CNIH3: variants seen among roughly 807,000 people sequenced by gnomAD.
CNIH3 encodes the protein cornichon family AMPA receptor auxiliary protein 3, also known as protein cornichon homolog 3.
In CNIH3, 14 loss-of-function variants were observed where a neutral mutation model predicts 24.1. The ratio of observed to expected loss-of-function variants is 0.58; its 90% CI spans 0.38 to 0.91. The LOEUF (loss-of-function observed/expected upper bound fraction) is 0.91. CNIH3 is among the 40% of genes least tolerant of loss of function. The pLI, the probability that CNIH3 is intolerant of heterozygous loss-of-function variation, is 0.00. For synonymous variants in CNIH3, 68 were observed against 73.8 expected (o/e 0.92, Z 0.40); for missense variants, 178 against 196.8 (o/e 0.90, Z 0.57).
chr1:224,434,880 G>A, intron 1 of CNIH3: 2 of 985,466 alleles, frequency 2.0e-6, no homozygotes, highest in South Asian at 9.4e-5. Context: ...ACCTATAGGG[G>A]GCCTGTCACC....
chr1:224,434,805 A>T (rs904350799), exon 1 of CNIH3: 6 of 986,068 alleles, frequency 6.1e-6, no homozygotes, highest in Non-Finnish European at 7.2e-6. Context: ...AATGGAGTCC[A>T]GGCGCTCGCG....
intron 2 of CNIH3, among the ~76,000 whole-genome samples, chr1:224,524,204 A>T (rs1314063551): frequency 6.6e-6 from 1 of 152,182 alleles, no homozygotes; most frequent in East Asian, 1.9e-4. Context: ...ATGGAGGACG[A>T]CTGGCAAAGG....
chr1:224,517,125 C>T (rs950436693), intron 1 of CNIH3, among the ~76,000 whole-genome samples: 2 of 151,948 alleles, frequency 1.3e-5, no homozygotes, highest in Non-Finnish European at 2.9e-5. Flanking sequence ...GTGTGTTTAT[C>T]TCAGTTTCTT....
intron 3 of CNIH3, among the ~76,000 whole-genome samples, chr1:224,561,433 G>A (rs879107004): frequency 3.5e-4 from 54 of 152,122 alleles, no homozygotes; most frequent in Non-Finnish European, 5.9e-4. Flanking sequence ...TTGTCTATCC[G>A]TTTCACTTAG....
At chr1:224,456,210 C>T (rs906154612) in intron 1 of CNIH3, among the ~76,000 whole-genome samples, 1 of 152,186 alleles carries the variant, frequency 6.6e-6, no homozygotes, top group Non-Finnish European at 1.5e-5. Flanking sequence ...CTCCCCTCTC[C>T]TCACACCACC....
intron 1 of CNIH3, among the ~76,000 whole-genome samples, chr1:224,672,760 A>G (rs1190594217): frequency 1.3e-5 from 2 of 152,208 alleles, no homozygotes. Context: ...GGAGGTCACT[A>G]TTCAACACAC....
At chr1:224,735,176 C>T (rs1344681851) in intron 5 of CNIH3, among the ~76,000 whole-genome samples, 1 of 152,288 alleles carries the variant, frequency 6.6e-6, no homozygotes, top group East Asian at 1.9e-4. Context: ...GTGGCTGTCA[C>T]GGTTCATAAA....
At chr1:224,580,775 AC>A (rs1681240337) in intron 4 of CNIH3, among the ~76,000 whole-genome samples, 1 of 151,560 alleles carries the variant, frequency 6.6e-6, no homozygotes, top group Non-Finnish European at 1.5e-5. Context: ...TGCAGTGGCC[AC>A]AGCCTGATGA....
Position 224,730,592 on chromosome 1 carries a change from T to C in CNIH3, c.311+18T>C, listed in dbSNP as rs1164785931. Reference sequence around the variant, plus strand: ...TTCTGGAGGTAAGTCAGACTGGGACTGGTATATCCTTCGTCTTTTCTGCCA... The same window carrying C: ...TTCTGGAGGTAAGTCAGACTGGGACCGGTATATCCTTCGTCTTTTCTGCCA... On this transcript the variant is annotated intron_variant, in intron 4 of 5. Coordinates refer to ENST00000272133, the MANE Select transcript of CNIH3 (RefSeq NM_152495.2). The C allele has an allele frequency of 1.4e-6, 2 of 1,457,804 alleles. No individual in the cohort carries two copies. The highest frequency in any genetic ancestry group is 1.9e-6 in the Non-Finnish European group (2 of 1,061,124). The allele number at this position is 1,457,804 out of a possible 1,614,324, so 90.3% of individuals were successfully genotyped here.
At chr1:224,559,326 T>C (rs1405349661) in intron 3 of CNIH3, among the ~76,000 whole-genome samples, 5 of 152,188 alleles carry the variant, frequency 3.3e-5, no homozygotes, top group Non-Finnish European at 4.4e-5. Flanking sequence ...AACTAACTCA[T>C]TTGTGATTAG....
intron 3 of CNIH3, among the ~76,000 whole-genome samples, chr1:224,610,888 C>T (rs1682661657): frequency 2.0e-5 from 3 of 152,184 alleles, no homozygotes; most frequent in Admixed American, 2.0e-4. Flanking sequence ...CCCCAAAGCA[C>T]TGTCTCTCTT....
At position 224,684,691 on chromosome 1, in the gene CNIH3, G is replaced by A; in HGVS notation, c.151-105G>A. ...GGCCATGTGCCCAGGAGGGGTCTCT[G>A]GTGGCTTCTGCCTCCACTATTGGGG... On this transcript the variant is annotated intron_variant, in intron 2 of 5. Coordinates refer to ENST00000272133, the MANE Select transcript of CNIH3 (RefSeq NM_152495.2). This position sits in a 1 kb window ranked among gnomAD's most constrained non-coding sequence, Gnocchi z 4.2. 1 of 987,180 alleles carries A rather than the reference G, an allele frequency of 1.0e-6. No homozygotes were observed. The allele number at this position is 987,180 out of a possible 1,614,324, so 61.2% of individuals were successfully genotyped here. A position where few individuals can be genotyped will look rare whatever the true frequency, so the allele number is the denominator to read the frequency against.
chr1:224,676,022 T>C (rs1686121584), intron 1 of CNIH3, among the ~76,000 whole-genome samples: 3 of 152,246 alleles, frequency 2.0e-5, no homozygotes, highest in Non-Finnish European at 4.4e-5. Flanking sequence ...AACTTATGTT[T>C]AGATAAAAGG....
intron 3 of CNIH3, among the ~76,000 whole-genome samples, chr1:224,712,023 C>A (rs2125203033): frequency 6.6e-6 from 1 of 152,284 alleles, no homozygotes; most frequent in Admixed American, 6.5e-5. Flanking sequence ...GGCCCTTTCC[C>A]CAGGCTATTG....
rs11349415 is a variant in CNIH3, at chr1:224,500,679, G to GA, written n.204-15050dup. Among the ~76,000 whole-genome samples, 872 of 148,274 alleles carry GA rather than the reference G, an allele frequency of 5.9e-3. 5 individuals are homozygous for GA. The highest frequency in any genetic ancestry group is 0.02 in the African/African-American group (813 of 40,008). On this transcript the variant is annotated intron_variant and non_coding_transcript_variant, in intron 1 of 5. Coordinates refer to the CNIH3 transcript ENST00000471578. ...CGACAGAGTGAGACAAAAAAGCAAA[G>GA]AAAAAAAAAAAAGAATGACTTTTCC...
At chr1:224,574,474 C>A in intron 4 of CNIH3, 1 of 646,170 alleles carries the variant, frequency 1.5e-6, no homozygotes. Flanking sequence ...ACCAAGATGC[C>A]CATCCTGGGG....
At chr1:224,557,248 G>T (rs996005930) in intron 3 of CNIH3, among the ~76,000 whole-genome samples, 1 of 152,018 alleles carries the variant, frequency 6.6e-6, no homozygotes, top group South Asian at 2.1e-4. Context: ...GGGTGTTGCT[G>T]TGTTGCTCAG....
chr1:224,590,031 C>A (rs1681683818), downstream of CNIH3, among the ~76,000 whole-genome samples: 1 of 152,142 alleles, frequency 6.6e-6, no homozygotes, highest in South Asian at 2.1e-4. Context: ...CATGAGCCGC[C>A]AGGCCTGGCT....
rs76256759 is a variant in CNIH3, at chr1:224,647,954, G to C, written c.81+30699G>C. Among the ~76,000 whole-genome samples the C allele has an allele frequency of 2.3e-3, 344 of 152,316 alleles. 5 individuals carry two copies. In the East Asian group the frequency reaches 0.03, roughly 13 times the overall value. ...TGTTCTATCTTAGGGTACTGGTTAC[G>C]GGAACGGGCAGGAATTTTTGGAGAC... is the stretch of plus-strand genomic sequence containing the variant. On this transcript the variant is annotated intron_variant, in intron 1 of 5. Transcript: ENST00000272133.
Sources: allele counts gnomAD v4.1 joint callset (sites outside exome capture counted in the v4.1 genomes callset), GRCh38; gene constraint gnomAD v4.1.1; non-coding constraint Gnocchi (gnomAD v3.1); transcripts MANE v1.5; gene names NCBI Gene and HGNC (gene_info 2026-07-23, HGNC 2026-07-21).